The following PRDM11 variants were observed in gnomAD, a reference collection of about 807,000 sequenced individuals.
PRDM11 encodes the protein PR/SET domain 11.
A neutral mutation model predicts 97.8 loss-of-function variants in PRDM11; 20 were observed. The observed-to-expected ratio is 0.20, with a 90% CI of 0.14 to 0.30. The LOEUF (loss-of-function observed/expected upper bound fraction) is 0.30, where lower values mean the gene tolerates loss of function less well. Ranked by LOEUF, PRDM11 falls within the 10% of genes least tolerant of loss-of-function variation. The pLI, the probability that PRDM11 is intolerant of heterozygous loss-of-function variation, is 1.00. For synonymous variants in PRDM11, 599 were observed against 637.7 expected (o/e 0.94, Z 0.91); for missense variants, 1,139 against 1,555.2 (o/e 0.73, Z 4.50).
In PRDM11 at chr11:45,229,139, G is replaced by T. The variant is rs1357040866; in HGVS notation, c.*980G>T. 1 of 152,150 alleles carries T rather than the reference G, an allele frequency of 6.6e-6. No individual in the cohort carries two copies. The highest frequency in any genetic ancestry group is 1.5e-5 in the Non-Finnish European group (1 of 68,026). 9.4% of individuals were successfully genotyped at this position (152,150 alleles called of 1,614,324 possible). On this transcript the variant is annotated 3_prime_UTR_variant, in exon 8 of 8. Transcript: ENST00000683152. ...CAAGGAAAATGAAAAGTACATATTC[G>T]AGTTACATGGATTATTTATACTTTT...
chr11:45,100,337 C>G (rs866540574), intron 1 of PRDM11, among the ~76,000 whole-genome samples: 2 of 152,106 alleles, frequency 1.3e-5, no homozygotes, highest in African/African-American at 4.8e-5. Flanking sequence ...TCACACTCAC[C>G]CCAGGAGAAA....
In PRDM11 at chr11:45,226,200, T is replaced by C; in HGVS notation, c.1575T>C (p.Asn525=). The part of the protein sequence containing the change: ...FWFLRYSPTL[N]EMWCHVCRQY... The stretch of plus-strand genomic sequence containing the variant: ...TCCTGCGGTACTCCCCAACCCTCAA[T>C]GAGATGTGGTGCCACGTCTGCCGCC... Residue 525 remains asparagine (N), a synonymous_variant, in exon 8 of 8, where the codon AAT becomes AAC. Transcript: ENST00000683152. 1 of 1,532,934 alleles carries C rather than the reference T, an allele frequency of 6.5e-7. No homozygotes were observed. Among genetic ancestry groups the C allele is most frequent in the African/African-American group, 1.4e-5 (1 of 73,074 alleles). 95.0% of individuals were successfully genotyped at this position (1,532,934 alleles called of 1,614,324 possible).
intron 1 of PRDM11, among the ~76,000 whole-genome samples, chr11:45,098,646 G>A (rs1851923623): frequency 6.6e-6 from 1 of 152,220 alleles, no homozygotes; most frequent in African/African-American, 2.4e-5. Flanking sequence ...TGACTATGGG[G>A]TGGTGGTGGG....
At chr11:45,173,921 C>T (rs1852265430) in intron 1 of PRDM11, among the ~76,000 whole-genome samples, 1 of 152,158 alleles carries the variant, frequency 6.6e-6, no homozygotes, top group African/African-American at 2.4e-5. Flanking sequence ...CAGAAAAGTG[C>T]ACATATTGTA....
At chr11:45,213,810 G>A in intron 5 of PRDM11, 1 of 439,650 alleles carries the variant, frequency 2.3e-6, no homozygotes, top group Non-Finnish European at 4.6e-6. Context: ...GAGAGGGCCA[G>A]GACTGGAAGC....
chr11:45,207,827 A>G (rs546703716), intron 5 of PRDM11, among the ~76,000 whole-genome samples: 83 of 152,260 alleles, frequency 5.5e-4, no homozygotes, highest in African/African-American at 1.8e-3. Context: ...GTGAGGGCTG[A>G]AGGATGTTGG....
intron 1 of PRDM11, among the ~76,000 whole-genome samples, chr11:45,170,954 CCCT>C (rs891439640): frequency 6.6e-6 from 1 of 152,196 alleles, no homozygotes; most frequent in Non-Finnish European, 1.5e-5. Context: ...CACCCCATCC[CCCT>C]CCATGGGTAC....
chr11:45,199,342 T>G (rs1286886750), intron 4 of PRDM11, among the ~76,000 whole-genome samples: 1 of 152,220 alleles, frequency 6.6e-6, no homozygotes, highest in Non-Finnish European at 1.5e-5. Flanking sequence ...ATCTTAGGAC[T>G]CTTCTGCATG....
chr11:45,205,834 G>A (rs1000447935), intron 5 of PRDM11, among the ~76,000 whole-genome samples: 1 of 152,200 alleles, frequency 6.6e-6, no homozygotes, highest in East Asian at 1.9e-4. Context: ...ATCAGAGAGT[G>A]GCTGAGCAGC....
At chr11:45,128,259 T>C (rs571634726) in intron 1 of PRDM11, among the ~76,000 whole-genome samples, 1 of 152,312 alleles carries the variant, frequency 6.6e-6, no homozygotes, top group South Asian at 2.1e-4. Flanking sequence ...ACCCCTTTCT[T>C]TGACTAGGAA....
chr11:45,211,359 C>G (rs975183512), intron 5 of PRDM11, among the ~76,000 whole-genome samples: 3 of 152,208 alleles, frequency 2.0e-5, no homozygotes, highest in African/African-American at 7.2e-5. Context: ...TGAGTTGAGT[C>G]CGCAGATCCA....
intron 1 of PRDM11, among the ~76,000 whole-genome samples, chr11:45,147,187 C>A (rs140980768): frequency 8.6e-5 from 13 of 151,950 alleles, no homozygotes; most frequent in African/African-American, 3.1e-4. Context: ...TACAATGTAG[C>A]CTTTTCTCTC....
chr11:45,153,379 C>T (rs1339828713), intron 1 of PRDM11, among the ~76,000 whole-genome samples: 1 of 152,218 alleles, frequency 6.6e-6, no homozygotes, highest in Non-Finnish European at 1.5e-5. Context: ...GGAGGCTGTC[C>T]CTCTTGGAGT....
intron 1 of PRDM11, among the ~76,000 whole-genome samples, chr11:45,102,431 T>C (rs1243659849): frequency 6.6e-6 from 1 of 152,166 alleles, no homozygotes; most frequent in African/African-American, 2.4e-5. Context: ...GAGGAAAGAC[T>C]AAAGTTCAGC....
intron 3 of PRDM11, 29 bp from the exon 4 acceptor site, chr11:45,182,832 G>A: frequency 6.5e-7 from 1 of 1,544,942 alleles, no homozygotes; most frequent in Non-Finnish European, 8.7e-7. Context: ...CAACAACTGA[G>A]GCCCTCCCTT....
chr11:45,194,997 C>T (rs562473527), intron 4 of PRDM11, among the ~76,000 whole-genome samples: 3 of 151,908 alleles, frequency 2.0e-5, no homozygotes, highest in Admixed American at 6.6e-5. Flanking sequence ...GGACTTTTAA[C>T]TAGATCTCCA....
chr11:45,206,416 A>G (rs1300498911), intron 5 of PRDM11, among the ~76,000 whole-genome samples: 1 of 151,982 alleles, frequency 6.6e-6, no homozygotes, highest in Non-Finnish European at 1.5e-5. Context: ...CTCAGTTTGG[A>G]CCCCAAGCCT....
intron 1 of PRDM11, among the ~76,000 whole-genome samples, chr11:45,141,115 G>A (rs1851395640): frequency 6.6e-6 from 1 of 152,170 alleles, no homozygotes; most frequent in South Asian, 2.1e-4. Context: ...GATATCTGGG[G>A]GTTTCCTTTG....
At chr11:45,112,695 T>C (rs973620788) in intron 1 of PRDM11, among the ~76,000 whole-genome samples, 26 of 152,330 alleles carry the variant, frequency 1.7e-4, no homozygotes, top group African/African-American at 5.8e-4. Context: ...ATTAGTGATG[T>C]TGAGCATTTT....
Sources: gnomAD v4.1 joint callset for allele counts (sites outside exome capture counted in the v4.1 genomes callset) on GRCh38, gnomAD v4.1.1 for gene constraint, MANE v1.5 for transcripts, NCBI Gene and HGNC (gene_info 2026-07-23, HGNC 2026-07-21) for gene names.